Variants in MOB4 observed in about 807,000 individuals in gnomAD.
MOB4 encodes MOB-like protein phocein.
Under a neutral mutation model 32.2 loss-of-function variants are expected in MOB4, and 4 were observed. That is an observed-to-expected ratio of 0.12 (90% CI 0.06 to 0.28). The LOEUF is 0.28. MOB4 is among the 10% of genes least tolerant of loss of function. The pLI is 1.00. For missense variants in MOB4, 158 were observed against 271.2 expected (o/e 0.58, Z 2.93); for synonymous variants, 88 against 88.1 (o/e 1.00, Z 0.01).
At chr2:197,516,581 A>T in intron 1 of MOB4, 1 of 482,676 alleles carries the variant, frequency 2.1e-6, no homozygotes, top group Non-Finnish European at 4.2e-6. Flanking sequence ...CCCGGCGTCC[A>T]GTTCCTACCT....
At chr2:197,549,687 T>A (rs372594679) in intron 6 of MOB4, among the ~76,000 whole-genome samples, 18 of 151,768 alleles carry the variant, frequency 1.2e-4, no homozygotes, top group East Asian at 5.8e-4. Flanking sequence ...GTAGCTGGGA[T>A]TACAAGTGCC....
Position 197,516,121 on chromosome 2 carries a change from G to C in MOB4, c.35G>C (p.Arg12Pro). The stretch of plus-strand genomic sequence containing the variant: ...GCGGAGGGGACGGCAGTGCTGAGGC[G>C]GAACAGGCCGGGCACCAAGGCGCAG... ...VMAEGTAVLR[R>P]NRPGTKAQDF... Residue 12 changes from arginine to proline, a missense_variant, in exon 1 of 8, where the codon CGG becomes CCG. Arg to Pro is a moderately radical substitution (Grantham distance 103). Coordinates refer to ENST00000323303, the MANE Select transcript of MOB4 (RefSeq NM_015387.5). 1.2e-6 allele frequency: 2 copies of C among 1,604,282 alleles called. No individual in the cohort carries two copies. Among genetic ancestry groups the C allele is most frequent in the Non-Finnish European group, 1.7e-6 (2 of 1,176,500 alleles).
intron 2 of MOB4, among the ~76,000 whole-genome samples, chr2:197,531,052 TA>T (rs368813130): frequency 0.014 from 2,122 of 148,886 alleles, 24 homozygotes; most frequent in Non-Finnish European, 0.02. Context: ...TTTTTATTTT[TA>T]TTTTTTTTTT....
intron 1 of MOB4, chr2:197,516,615 T>C: frequency 2.1e-6 from 1 of 473,360 alleles, no homozygotes; most frequent in Non-Finnish European, 4.4e-6. Context: ...CCTACCCGTT[T>C]CCTGCCATCC....
chr2:197,546,461 A>G (rs1244562626), intron 5 of MOB4, among the ~76,000 whole-genome samples: 1 of 151,634 alleles, frequency 6.6e-6, no homozygotes, highest in Non-Finnish European at 1.5e-5. Flanking sequence ...CAGTGGCCTG[A>G]TCTTGGCTTA....
chr2:197,542,044 G>C (rs1165275532), intron 5 of MOB4, among the ~76,000 whole-genome samples: 1 of 152,244 alleles, frequency 6.6e-6, no homozygotes, highest in Non-Finnish European at 1.5e-5. Context: ...TGTGATTATT[G>C]CAATTAGGAA....
At chr2:197,524,232 T>C (rs1443393535) in intron 2 of MOB4, among the ~76,000 whole-genome samples, 3 of 151,946 alleles carry the variant, frequency 2.0e-5, no homozygotes, top group Admixed American at 1.3e-4. Context: ...AGATCTTGTA[T>C]CTTAAAAAAA....
intron 5 of MOB4, among the ~76,000 whole-genome samples, chr2:197,541,057 TG>T (rs2086888628): frequency 1.3e-5 from 2 of 152,136 alleles, no homozygotes; most frequent in East Asian, 3.9e-4. Context: ...TGCGCTATCA[TG>T]CCGGGCTAAT....
chr2:197,536,626 G>C (rs772116019), intron 3 of MOB4, among the ~76,000 whole-genome samples: 10 of 119,626 alleles, frequency 8.4e-5, no homozygotes, highest in Non-Finnish European at 1.5e-4. Context: ...TTTTGAGACA[G>C]AGTCTTGCTC....
chr2:197,535,015 A>G (rs565315360), intron 2 of MOB4, among the ~76,000 whole-genome samples: 1 of 152,274 alleles, frequency 6.6e-6, no homozygotes, highest in South Asian at 2.1e-4. Flanking sequence ...CACAATATGT[A>G]CCATAGTTAT....
chr2:197,527,480 G>A (rs1382074030), intron 2 of MOB4, among the ~76,000 whole-genome samples: 1 of 152,100 alleles, frequency 6.6e-6, no homozygotes, highest in Non-Finnish European at 1.5e-5. Context: ...ATTTTTATGT[G>A]TTCATCTTGT....
At chr2:197,545,740 C>G (rs2086982447) in intron 5 of MOB4, among the ~76,000 whole-genome samples, 2 of 152,016 alleles carry the variant, frequency 1.3e-5, no homozygotes, top group Non-Finnish European at 2.9e-5. Flanking sequence ...TCCTGTGAAA[C>G]AGAAATTAGG....
At chr2:197,518,729 A>ATTTTAT (rs933290148) in intron 1 of MOB4, among the ~76,000 whole-genome samples, 7 of 151,542 alleles carry the variant, frequency 4.6e-5, no homozygotes, top group South Asian at 2.1e-4. Flanking sequence ...CGCCCGGCTA[A>ATTTTAT]TTTTATTTTT....
chr2:197,533,989 CACAT>C (rs1430140986), intron 2 of MOB4: 7 of 521,496 alleles, frequency 1.3e-5, no homozygotes, highest in Admixed American at 6.5e-5. Context: ...TGAGATGGCA[CACAT>C]ACTTAATATT....
upstream of MOB4, chr2:197,515,605 G>C (rs2106095465): frequency 6.5e-6 from 1 of 155,026 alleles, no homozygotes; most frequent in South Asian, 1.8e-4. Flanking sequence ...AATTTGCCAA[G>C]ACTGCTGGCC....
intron 5 of MOB4, among the ~76,000 whole-genome samples, chr2:197,540,676 A>G (rs189440301): frequency 4.2e-4 from 64 of 152,358 alleles, no homozygotes; most frequent in African/African-American, 1.5e-3. Flanking sequence ...ACTGGCTATT[A>G]CGGATTAACA....
In MOB4 at chr2:197,551,276, C is replaced by T. The variant is rs1388211145; in HGVS notation, c.*630C>T. 5 of 152,538 alleles carry T rather than the reference C, an allele frequency of 3.3e-5. No homozygotes were observed. Among genetic ancestry groups the T allele is most frequent in the African/African-American group, 7.2e-5 (3 of 41,434 alleles). The allele number at this position is 152,538 out of a possible 1,614,324, so 9.4% of individuals were successfully genotyped here. On this transcript the variant is annotated 3_prime_UTR_variant, in exon 8 of 8. Coordinates refer to ENST00000323303, the MANE Select transcript of MOB4 (RefSeq NM_015387.5). ...GAAAGGATTTACCGTTCTGCAACAACGGACTGGTACATACAGGATGATCAC... is the reference window on the plus strand; with the variant it reads ...GAAAGGATTTACCGTTCTGCAACAATGGACTGGTACATACAGGATGATCAC...
chr2:197,515,988 T>C, upstream of MOB4: 1 of 1,275,416 alleles, frequency 7.8e-7, no homozygotes, highest in South Asian at 1.3e-5. Context: ...CAGCTGCCGC[T>C]CCTCCTCCCA....
At chr2:197,530,069 A>G (rs942808808) in intron 2 of MOB4, among the ~76,000 whole-genome samples, 1 of 151,856 alleles carries the variant, frequency 6.6e-6, no homozygotes, top group Admixed American at 6.6e-5. Context: ...CCCTGGGTTC[A>G]AGCGATTCTC....
Sources: allele counts gnomAD v4.1 joint callset (sites outside exome capture counted in the v4.1 genomes callset), GRCh38; gene constraint gnomAD v4.1.1; transcripts MANE v1.5; gene names NCBI Gene and HGNC (gene_info 2026-07-23, HGNC 2026-07-21).